Variants in ZSCAN25 observed in about 807,000 individuals in gnomAD.
The protein encoded by ZSCAN25 is zinc finger and SCAN domain containing 25.
ZSCAN25 carries 27 observed loss-of-function variants against 38.7 expected under a neutral mutation model. The ratio of observed to expected loss-of-function variants is 0.70; its 90% CI spans 0.51 to 0.96. ZSCAN25 has a LOEUF of 0.96. Ranked by LOEUF, ZSCAN25 falls within the 40% of genes least tolerant of loss-of-function variation. ZSCAN25 has a pLI of 0.00. For synonymous variants in ZSCAN25, 273 were observed against 277.7 expected (o/e 0.98, Z 0.17); for missense variants, 637 against 705.9 (o/e 0.90, Z 1.11).
chr7:99,725,048 G>C, the ZSCAN25 span, among the ~76,000 whole-genome samples: 1 of 152,234 alleles, frequency 6.6e-6, no homozygotes, highest in South Asian at 2.1e-4. Flanking sequence ...GTACAAGATG[G>C]ACTCCCCAGG....
At chr7:99,719,570 C>G in the ZSCAN25 span, among the ~76,000 whole-genome samples, 1 of 150,428 alleles carries the variant, frequency 6.6e-6, no homozygotes, top group Non-Finnish European at 1.5e-5. Flanking sequence ...AAAGAACTTT[C>G]AGACTTGACA....
At chr7:99,676,153 G>T in the ZSCAN25 span, 1 of 1,613,886 alleles carries the variant, frequency 6.2e-7, no homozygotes, top group Non-Finnish European at 8.5e-7. Flanking sequence ...AAAGGCAGAG[G>T]TGTGGGCCCT....
chr7:99,736,377 G>T, the ZSCAN25 span, among the ~76,000 whole-genome samples: 1 of 152,168 alleles, frequency 6.6e-6, no homozygotes, highest in Admixed American at 6.5e-5. Context: ...AAAGCAAATG[G>T]CTTCCTTTTT....
the ZSCAN25 span, among the ~76,000 whole-genome samples, chr7:99,711,675 G>A: frequency 6.6e-6 from 1 of 152,214 alleles, no homozygotes; most frequent in Non-Finnish European, 1.5e-5. Context: ...GGCTGAGGCA[G>A]AATAATCGCT....
At chr7:99,617,088 C>G (rs79694709) in intron 1 of ZSCAN25, 72 bp downstream of exon 1, 6,305 of 152,256 alleles carry the variant, frequency 0.041, 159 homozygotes, top group Admixed American at 0.053. Context: ...GGTTTTGGTG[C>G]CGCTACGGGG....
intron 6 of ZSCAN25, among the ~76,000 whole-genome samples, chr7:99,623,317 C>T (rs1484681759): frequency 2.0e-5 from 3 of 152,204 alleles, no homozygotes; most frequent in Non-Finnish European, 4.4e-5. Flanking sequence ...AGGGTGGTCT[C>T]TTTGGCCATA....
At chr7:99,713,672 C>A in the ZSCAN25 span, 1 of 1,164,772 alleles carries the variant, frequency 8.6e-7, no homozygotes, top group South Asian at 1.3e-5. Context: ...TTGCCTGAGT[C>A]ACCAGTGAAA....
the ZSCAN25 span, among the ~76,000 whole-genome samples, chr7:99,729,557 G>A: frequency 5.9e-5 from 9 of 152,296 alleles, no homozygotes; most frequent in African/African-American, 2.2e-4. Flanking sequence ...ATGGCCTGAG[G>A]CAACTGAAAA....
In ZSCAN25 at chr7:99,630,354, T is replaced by G; in HGVS notation, c.*334T>G. The G allele has an allele frequency of 9.2e-7, 1 of 1,086,640 alleles. No homozygotes were observed. The highest frequency in any genetic ancestry group is 6.2e-5 in the East Asian group (1 of 16,220). 67.3% of individuals were successfully genotyped at this position (1,086,640 alleles called of 1,614,324 possible). ...AAGGCAAAACCTTGACACGTGTTGG[T>G]AGCTGGGACCTCATCTTCCTGAGGG... On this transcript the variant is annotated 3_prime_UTR_variant, in exon 8 of 8. Coordinates refer to ENST00000394152, the MANE Select transcript of ZSCAN25 (RefSeq NM_145115.3).
the ZSCAN25 span, chr7:99,652,444 A>T: frequency 2.6e-6 from 2 of 768,154 alleles, no homozygotes; most frequent in Non-Finnish European, 4.2e-6. Context: ...AAAAAGACTT[A>T]CAAGCAAATG....
At chr7:99,625,213 C>T (rs1053486124) in intron 7 of ZSCAN25, among the ~76,000 whole-genome samples, 6 of 152,032 alleles carry the variant, frequency 3.9e-5, no homozygotes, top group Non-Finnish European at 7.4e-5. Flanking sequence ...CTCATGGTGC[C>T]ATGAGGATGA....
At chr7:99,632,986 G>GTTGTTTTTTTTTTTTTTTTTTTTT (rs1808108383), downstream of ZSCAN25, among the ~76,000 whole-genome samples, 1 of 141,480 alleles carries the variant, frequency 7.1e-6, no homozygotes, top group Admixed American at 7.0e-5. Flanking sequence ...TGCATTTTCT[G>GTTGTTTTTTTTTTTTTTTTTTTTT]TTGTTTTTTT....
chr7:99,737,882 A>C, the ZSCAN25 span, among the ~76,000 whole-genome samples: 1 of 152,230 alleles, frequency 6.6e-6, no homozygotes, highest in East Asian at 1.9e-4. Context: ...ACTTAATTCC[A>C]CAGAAAGTAA....
the ZSCAN25 span, chr7:99,705,127 T>C: frequency 2.4e-5 from 6 of 251,474 alleles, no homozygotes; most frequent in South Asian, 5.2e-5. Context: ...ATGTCACTGT[T>C]AGAGCCATCA....
Position 99,630,283 on chromosome 7 carries a change from C to T in ZSCAN25, c.*263C>T, listed in dbSNP as rs1278480681. 6 of 1,271,350 alleles carry T rather than the reference C, an allele frequency of 4.7e-6. No individual in the cohort carries two copies. The highest frequency in any genetic ancestry group is 2.6e-5 in the South Asian group (1 of 38,330). The allele number at this position is 1,271,350 out of a possible 1,614,324, so 78.8% of individuals were successfully genotyped here. On this transcript the variant is annotated 3_prime_UTR_variant, in exon 8 of 8. Coordinates refer to ENST00000394152, the MANE Select transcript of ZSCAN25 (RefSeq NM_145115.3). ...GTTCAGTTCAGGCTGAGATTTTCTC[C>T]TTCAGTGGACTGTCTGTGTCCCCCT...
the ZSCAN25 span, chr7:99,710,809 TGAA>T: frequency 6.2e-7 from 1 of 1,613,828 alleles, no homozygotes; most frequent in Non-Finnish European, 8.5e-7. Context: ...TCATATATAA[TGAA>T]GGAGAGAACA....
the ZSCAN25 span, among the ~76,000 whole-genome samples, chr7:99,727,750 T>A: frequency 2.0e-5 from 3 of 152,160 alleles, no homozygotes; most frequent in African/African-American, 7.2e-5. Flanking sequence ...CAAGCCAAAC[T>A]CATTGCCTTA....
the ZSCAN25 span, chr7:99,663,525 T>TA: frequency 1.0e-6 from 1 of 992,916 alleles, no homozygotes; most frequent in African/African-American, 1.7e-5. Context: ...TACCACACAC[T>TA]ACATGTCAGC....
At chr7:99,625,355 T>C (rs1807380000) in intron 7 of ZSCAN25, among the ~76,000 whole-genome samples, 2 of 152,200 alleles carry the variant, frequency 1.3e-5, no homozygotes, top group Admixed American at 6.5e-5. Context: ...AGAGGTGGAC[T>C]TGGCTCTGTG....
Sources: allele counts gnomAD v4.1 joint callset (sites outside exome capture counted in the v4.1 genomes callset), GRCh38; gene constraint gnomAD v4.1.1; transcripts MANE v1.5; gene names NCBI Gene and HGNC (gene_info 2026-07-23, HGNC 2026-07-21).